The following SLC7A11 variants were observed in gnomAD, a reference collection of about 807,000 sequenced individuals.
SLC7A11 encodes cystine/glutamate transporter.
Under a neutral mutation model 54.5 loss-of-function variants are expected in SLC7A11, and 35 were observed. The observed-to-expected ratio is 0.64, with a 90% CI of 0.49 to 0.85. The LOEUF (loss-of-function observed/expected upper bound fraction) is 0.85. Among genes scored for constraint, SLC7A11 ranks in the 40% least tolerant of loss-of-function variants. SLC7A11 has a pLI of 0.00. For synonymous variants in SLC7A11, 230 were observed against 225.2 expected (o/e 1.02, Z -0.19); for missense variants, 583 against 618.1 (o/e 0.94, Z 0.60).
rs72544127 is a variant in SLC7A11 at position 138,242,319 on chromosome 4, T to C, written c.-250A>G. On this transcript the variant is annotated 5_prime_UTR_variant, in exon 1 of 12. Coordinates refer to ENST00000280612, the MANE Select transcript of SLC7A11 (RefSeq NM_014331.4). ...CTCCTCGTTCCACCACTGCTGCTGC[T>C]GCTGCTGCTGCCGCCCTATCATTAC... 3.0e-4 allele frequency: 161 copies of C among 529,942 alleles called. No individual in the cohort carries two copies. Among genetic ancestry groups the C allele is most frequent in the African/African-American group, 2.7e-3 (142 of 52,420 alleles). The allele number at this position is 529,942 out of a possible 1,614,324, so 32.8% of individuals were successfully genotyped here.
intron 4 of SLC7A11, among the ~76,000 whole-genome samples, chr4:138,219,997 T>A (rs1578662372): frequency 6.7e-6 from 1 of 149,144 alleles, no homozygotes. Context: ...TGGAGTGCAG[T>A]GGCACAATCT....
At chr4:138,185,390 C>A in intron 6 of SLC7A11, 146 bp from the exon 7 acceptor site, 1 of 910,666 alleles carries the variant, frequency 1.1e-6, no homozygotes, top group Non-Finnish European at 1.7e-6. Flanking sequence ...AACATTTCAT[C>A]AGGGCAAAAA....
intron 2 of SLC7A11, among the ~76,000 whole-genome samples, chr4:138,232,884 T>C (rs576650947): frequency 3.3e-4 from 50 of 152,306 alleles, no homozygotes; most frequent in Admixed American, 3.1e-3. Context: ...ATTGTTTTAT[T>C]TTTTCTGTAC....
At chr4:138,206,088 T>G (rs1450697911) in intron 6 of SLC7A11, among the ~76,000 whole-genome samples, 2 of 152,002 alleles carry the variant, frequency 1.3e-5, no homozygotes, top group Non-Finnish European at 2.9e-5. Context: ...TTATCATACA[T>G]GAATTATTGC....
chr4:138,237,800 G>T (rs1292849702), intron 1 of SLC7A11, among the ~76,000 whole-genome samples: 1 of 120,150 alleles, frequency 8.3e-6, no homozygotes, highest in African/African-American at 3.3e-5. Flanking sequence ...CCCCCAGGCT[G>T]CAGTGCAGTG....
chr4:138,172,224 A>G (rs981327976), intron 11 of SLC7A11, among the ~76,000 whole-genome samples: 1 of 152,226 alleles, frequency 6.6e-6, no homozygotes, highest in Non-Finnish European at 1.5e-5. Context: ...ATGGCTTCTC[A>G]GCAAGAATAC....
intron 6 of SLC7A11, among the ~76,000 whole-genome samples, chr4:138,197,722 G>A (rs1053055410): frequency 1.3e-5 from 2 of 151,724 alleles, no homozygotes; most frequent in Non-Finnish European, 2.9e-5. Context: ...TATACTCAAT[G>A]TTGACTTATT....
intron 6 of SLC7A11, among the ~76,000 whole-genome samples, chr4:138,206,466 T>G (rs928948956): frequency 4.6e-5 from 7 of 151,372 alleles, no homozygotes; most frequent in African/African-American, 1.7e-4. Context: ...ATTAGAACTT[T>G]CAAACAACTA....
Position 138,200,536 on chromosome 4 carries a change from A to G in SLC7A11, c.791+14049T>C, listed in dbSNP as rs1290380793. Reference sequence around the variant, plus strand: ...CACTTCTAATGATTACATTTCCCCCAGCTAATTTCAAGGCTAAAATCTTGC... The same window carrying G: ...CACTTCTAATGATTACATTTCCCCCGGCTAATTTCAAGGCTAAAATCTTGC... On this transcript the variant is annotated intron_variant, in intron 6 of 11. Transcript: ENST00000280612. Among the ~76,000 whole-genome samples, 3 of 152,098 alleles carry G rather than the reference A, an allele frequency of 2.0e-5. No homozygotes were observed. The South Asian group carries it at 6.2e-4, about 31-fold the overall frequency.
In SLC7A11 at chr4:138,223,466, C is replaced by T. The variant is rs529228409; in HGVS notation, c.521-142G>A. On this transcript the variant is annotated intron_variant, in intron 3 of 11. Coordinates refer to ENST00000280612, the MANE Select transcript of SLC7A11 (RefSeq NM_014331.4). ...TGTTTTAGAAATGCAGAATCTCAGG[C>T]TCTGCCCCAGGCCTAATGAATACAA... The T allele has an allele frequency of 3.5e-5, 29 of 838,152 alleles. No individual in the cohort carries two copies. In the East Asian group the frequency reaches 7.8e-4, roughly 23 times the overall value. The allele number at this position is 838,152 out of a possible 1,614,324, so 51.9% of individuals were successfully genotyped here. A position where few individuals can be genotyped will look rare whatever the true frequency, so the allele number is the denominator to read the frequency against.
intron 6 of SLC7A11, among the ~76,000 whole-genome samples, chr4:138,212,977 A>G (rs1376734508): frequency 6.6e-6 from 1 of 152,010 alleles, no homozygotes; most frequent in East Asian, 1.9e-4. Flanking sequence ...TATTTCCCGT[A>G]ATAGAAATTC....
At chr4:138,179,153 G>T in intron 11 of SLC7A11, 64 bp downstream of exon 11, 2 of 1,097,596 alleles carry the variant, frequency 1.8e-6, no homozygotes, top group South Asian at 1.4e-5. Context: ...TATTATGTAT[G>T]CACACCTTTA....
intron 1 of SLC7A11, among the ~76,000 whole-genome samples, chr4:138,240,974 C>T (rs1205389501): frequency 6.6e-6 from 1 of 152,072 alleles, no homozygotes; most frequent in Non-Finnish European, 1.5e-5. Context: ...AAGAAAAATT[C>T]ATAATTATAC....
intron 11 of SLC7A11, among the ~76,000 whole-genome samples, chr4:138,173,988 A>C (rs1302090743): frequency 6.6e-6 from 1 of 152,204 alleles, no homozygotes. Flanking sequence ...ACGTGACAGT[A>C]GTTTAAAACA....
At chr4:138,240,650 A>G (rs1010562323) in intron 1 of SLC7A11, among the ~76,000 whole-genome samples, 1 of 152,114 alleles carries the variant, frequency 6.6e-6, no homozygotes, top group African/African-American at 2.4e-5. Context: ...GAGTAGAAAG[A>G]ATGAATTGAT....
intron 10 of SLC7A11, 44 bp from the exon 11 acceptor site, chr4:138,179,438 C>A (rs1444466839): frequency 6.4e-7 from 1 of 1,556,440 alleles, no homozygotes. Context: ...CATGTTCAAG[C>A]AACAGAAGCT....
At chr4:138,218,234 A>G (rs1200119567) in intron 5 of SLC7A11, among the ~76,000 whole-genome samples, 1 of 152,198 alleles carries the variant, frequency 6.6e-6, no homozygotes, top group East Asian at 1.9e-4. Context: ...AAGGAATTAT[A>G]TTTGTGTTGG....
intron 7 of SLC7A11, among the ~76,000 whole-genome samples, chr4:138,184,036 T>C (rs1449130601): frequency 6.6e-6 from 1 of 152,178 alleles, no homozygotes; most frequent in African/African-American, 2.4e-5. Flanking sequence ...CCATGAAGGA[T>C]GTATTTTCCA....
Position 138,164,942 on chromosome 4 carries a change from ATC to A in SLC7A11, c.*7012_*7013del, listed in dbSNP as rs1736219228. On this transcript the variant is annotated 3_prime_UTR_variant, in exon 12 of 12. Transcript: ENST00000280612. Reference sequence around the variant, plus strand: ...AGATCAAAGAGATGGCTGCCAGCATATCCTTCAAGGGTAACCTGAGTTCCAAG... The same window carrying A: ...AGATCAAAGAGATGGCTGCCAGCATACTTCAAGGGTAACCTGAGTTCCAAG... 6.6e-6 allele frequency: 1 copy of A among 152,180 alleles called. No homozygotes were observed. Among genetic ancestry groups the A allele is most frequent in the South Asian group, 2.1e-4 (1 of 4,834 alleles). 9.4% of individuals were successfully genotyped at this position (152,180 alleles called of 1,614,324 possible).
Sources: allele counts gnomAD v4.1 joint callset (sites outside exome capture counted in the v4.1 genomes callset), GRCh38; gene constraint gnomAD v4.1.1; transcripts MANE v1.5; gene names NCBI Gene and HGNC (gene_info 2026-07-23, HGNC 2026-07-21).